Variants in TXNRD1 observed in about 807,000 individuals in gnomAD.
TXNRD1 encodes the protein thioredoxin reductase 1, also known as thioredoxin reductase 1, cytoplasmic.
A neutral mutation model predicts 80.3 loss-of-function variants in TXNRD1; 57 were observed. The observed-to-expected ratio is 0.71, with a 90% confidence interval of 0.57 to 0.89. The LOEUF (loss-of-function observed/expected upper bound fraction) is 0.89. Ranked by LOEUF, TXNRD1 falls within the 40% of genes least tolerant of loss-of-function variation. The probability of loss-of-function intolerance (pLI) is 0.00; values close to 1 mark genes in which losing one functional copy is unlikely to be tolerated. For synonymous variants in TXNRD1, 291 were observed against 285.2 expected, an observed-to-expected ratio of 1.02 and a Z score of -0.20; for missense variants, 730 against 803.0, an observed-to-expected ratio of 0.91 and a Z score of 1.10.
Position 104,348,381 on chromosome 12 carries a change from G to T in TXNRD1, c.1910G>T (p.Arg637Leu), listed in dbSNP as rs775255749. 6.2e-7 allele frequency: 1 copy of T among 1,613,972 alleles called. No individual in the cohort carries two copies. Among genetic ancestry groups the T allele is most frequent in the East Asian group, 2.2e-5 (1 of 44,894 alleles). ...EVFTTLSVTK[R>L]SGASILQAGC... ...TTCACAACATTGTCTGTGACCAAGC[G>T]CTCTGGGGCAAGCATCCTCCAGGCT... is the stretch of plus-strand genomic sequence containing the variant. The change falls in exon 17 of 17, where the codon CGC (arginine) becomes CTC (leucine). Residue 637 changes from arginine (R) to leucine (L), a missense_variant. Coordinates refer to ENST00000525566, the MANE Select transcript of TXNRD1 (RefSeq NM_001093771.3).
intron 4 of TXNRD1, chr12:104,303,861 A>G: frequency 6.8e-7 from 1 of 1,460,026 alleles, no homozygotes; most frequent in Non-Finnish European, 9.0e-7. Context: ...GACGAAGAGA[A>G]AGGAGAGGAG....
intron 15 of TXNRD1, among the ~76,000 whole-genome samples, chr12:104,335,692 T>G (rs1251062273): frequency 2.0e-5 from 3 of 152,182 alleles, no homozygotes; most frequent in Non-Finnish European, 2.9e-5. Context: ...AACTGATCTT[T>G]TTAACTTAGC....
intron 1 of TXNRD1, among the ~76,000 whole-genome samples, chr12:104,222,820 C>T (rs533100266): frequency 6.6e-6 from 1 of 152,306 alleles, no homozygotes; most frequent in South Asian, 2.1e-4. Flanking sequence ...TGCTGCACTC[C>T]AGCCTGGGTG....
At chr12:104,276,421 A>G (rs1196665708) in intron 3 of TXNRD1, among the ~76,000 whole-genome samples, 1 of 152,230 alleles carries the variant, frequency 6.6e-6, no homozygotes, top group African/African-American at 2.4e-5. Flanking sequence ...CCAGCTCAAG[A>G]GACCCCTTGT....
chr12:104,332,624 C>A (rs2035990031), intron 14 of TXNRD1, among the ~76,000 whole-genome samples: 1 of 151,700 alleles, frequency 6.6e-6, no homozygotes. Flanking sequence ...TGGTGCATGC[C>A]TGTAATCCCA....
intron 4 of TXNRD1, among the ~76,000 whole-genome samples, chr12:104,298,349 T>A (rs1007170235): frequency 1.3e-5 from 2 of 152,228 alleles, no homozygotes; most frequent in Non-Finnish European, 2.9e-5. Context: ...TAAAATTTTG[T>A]TATATGGCAA....
chr12:104,333,100 G>A (rs1403647773), intron 14 of TXNRD1, among the ~76,000 whole-genome samples: 1 of 151,852 alleles, frequency 6.6e-6, no homozygotes, highest in East Asian at 1.9e-4. Context: ...CTTCTTTTAA[G>A]GGGTGCTATA....
intron 3 of TXNRD1, among the ~76,000 whole-genome samples, chr12:104,281,234 T>C (rs963582566): frequency 2.6e-5 from 4 of 152,202 alleles, no homozygotes; most frequent in African/African-American, 9.6e-5. Context: ...ATTCTCTTTC[T>C]CTTACATCTC....
intron 1 of TXNRD1, among the ~76,000 whole-genome samples, chr12:104,220,095 C>G (rs2032316935): frequency 6.6e-6 from 1 of 152,236 alleles, no homozygotes; most frequent in African/African-American, 2.4e-5. Context: ...TATTTCTGGG[C>G]AGAGGTGCCT....
intron 4 of TXNRD1, among the ~76,000 whole-genome samples, chr12:104,310,446 G>A (rs2035094546): frequency 6.6e-6 from 1 of 152,174 alleles, no homozygotes; most frequent in African/African-American, 2.4e-5. Context: ...ACTGTGCCTG[G>A]CCTACTTGAT....
At position 104,279,398 on chromosome 12, in the gene TXNRD1, G is replaced by A. The variant is rs76816404; in HGVS notation, c.305-9533G>A. On this transcript the variant is annotated intron_variant, in intron 3 of 16. Transcript: ENST00000525566. Reference sequence around the variant, plus strand: ...CCTGTTCAAACTAGATTTGCTCAATGCTTGGAAGTTAGCAAAGCCCTGTGG... The same window carrying A: ...CCTGTTCAAACTAGATTTGCTCAATACTTGGAAGTTAGCAAAGCCCTGTGG... Among the ~76,000 whole-genome samples the A allele has an allele frequency of 1.3e-4, 20 of 152,310 alleles. No homozygotes were observed. In the East Asian group the frequency reaches 3.7e-3, roughly 28 times the overall value.
chr12:104,281,971 C>A (rs925948792), intron 3 of TXNRD1, among the ~76,000 whole-genome samples: 2 of 152,122 alleles, frequency 1.3e-5, no homozygotes, highest in Non-Finnish European at 2.9e-5. Context: ...ATAAGTCAAG[C>A]AGACTCCTAG....
intron 15 of TXNRD1, among the ~76,000 whole-genome samples, chr12:104,337,140 G>C (rs2036165901): frequency 6.6e-6 from 1 of 151,836 alleles, no homozygotes; most frequent in Non-Finnish European, 1.5e-5. Flanking sequence ...TGTTTTTTGA[G>C]ACCCTTTCCA....
chr12:104,304,901 A>G, intron 4 of TXNRD1: 1 of 1,610,768 alleles, frequency 6.2e-7, no homozygotes. Flanking sequence ...AGCTTTTGAA[A>G]TTTCTGAGGC....
intron 4 of TXNRD1, 57 bp downstream of exon 4, chr12:104,289,097 G>A: frequency 6.4e-7 from 1 of 1,566,010 alleles, no homozygotes; most frequent in Non-Finnish European, 8.7e-7. Flanking sequence ...AGCTCAGCGT[G>A]GTCACAGCCT....
At chr12:104,273,588 A>G (rs879058508) in intron 3 of TXNRD1, among the ~76,000 whole-genome samples, 1 of 152,242 alleles carries the variant, frequency 6.6e-6, no homozygotes, top group South Asian at 2.1e-4. Context: ...GTGAGAATCC[A>G]TCTCAAAAGA....
intron 1 of TXNRD1, among the ~76,000 whole-genome samples, chr12:104,220,375 C>A (rs1226628910): frequency 2.0e-5 from 3 of 152,250 alleles, no homozygotes; most frequent in East Asian, 3.9e-4. Context: ...TGAATGTTTA[C>A]TCTTTGTATT....
At chr12:104,302,606 C>A (rs1376561873) in intron 4 of TXNRD1, among the ~76,000 whole-genome samples, 3 of 146,568 alleles carry the variant, frequency 2.0e-5, no homozygotes, top group Non-Finnish European at 4.5e-5. Context: ...TCTTCTGCCT[C>A]AGCCTACCGA....
At chr12:104,230,731 C>CA (rs1235796969) in intron 1 of TXNRD1, among the ~76,000 whole-genome samples, 3 of 152,124 alleles carry the variant, frequency 2.0e-5, no homozygotes, top group Non-Finnish European at 2.9e-5. Context: ...CATACAGAGA[C>CA]AGAGGGAAAG....
Sources: gnomAD v4.1 joint callset for allele counts (sites outside exome capture counted in the v4.1 genomes callset) on GRCh38, gnomAD v4.1.1 for gene constraint, MANE v1.5 for transcripts, NCBI Gene and HGNC (gene_info 2026-07-23, HGNC 2026-07-21) for gene names.